The following HECW1 variants were observed in gnomAD, a reference collection of about 807,000 sequenced individuals.
HECW1 encodes HECT, C2 and WW domain containing E3 ubiquitin protein ligase 1.
A neutral mutation model predicts 182.3 loss-of-function variants in HECW1; 61 were observed. That is an observed-to-expected ratio of 0.33 (90% confidence interval 0.27 to 0.41). The LOEUF (loss-of-function observed/expected upper bound fraction) is 0.41. Among genes scored for constraint, HECW1 ranks in the 10% least tolerant of loss-of-function variants. The pLI, the probability that HECW1 is intolerant of heterozygous loss-of-function variation, is 1.00. For missense variants in HECW1, 1,739 were observed against 2,108.9 expected (o/e 0.82, Z 3.44); for synonymous variants, 859 against 832.6 (o/e 1.03, Z -0.55).
chr7:43,116,222 G>T (rs1785037146), intron 2 of HECW1, among the ~76,000 whole-genome samples: 1 of 152,090 alleles, frequency 6.6e-6, no homozygotes. Flanking sequence ...GTAGGTTTTG[G>T]TTATTTATTT....
At chr7:43,509,286 AC>A in intron 24 of HECW1, 165 bp downstream of exon 24, 1 of 583,744 alleles carries the variant, frequency 1.7e-6, no homozygotes, top group South Asian at 2.9e-5. Context: ...GTTAGTCTTC[AC>A]CCAGAACACA....
intron 3 of HECW1, among the ~76,000 whole-genome samples, chr7:43,272,419 T>G (rs1802525174): frequency 6.6e-6 from 1 of 152,090 alleles, no homozygotes; most frequent in Non-Finnish European, 1.5e-5. Flanking sequence ...GAGAAAATAT[T>G]TGCAAATTAT....
At position 43,213,160 on chromosome 7, in the gene HECW1, C is replaced by T. The variant is rs549920616; in HGVS notation, c.-31-30715C>T. On this transcript the variant is annotated intron_variant, in intron 2 of 29. Coordinates refer to ENST00000395891, the MANE Select transcript of HECW1 (RefSeq NM_015052.5). The stretch of plus-strand genomic sequence containing the variant: ...CATGATAAGTCTTTTTTATATACTT[C>T]CCAGAAAGTGCATGACTCTGGGACT... 4.6e-5 allele frequency among the ~76,000 whole-genome samples: 7 copies of T among 151,954 alleles called. No individual in the cohort carries two copies. In the South Asian group the frequency reaches 8.3e-4, roughly 18 times the overall value.
intron 2 of HECW1, among the ~76,000 whole-genome samples, chr7:43,212,722 G>T (rs942781505): frequency 2.0e-5 from 3 of 152,072 alleles, no homozygotes; most frequent in African/African-American, 7.2e-5. Flanking sequence ...AATCTTACTG[G>T]AATGTCTAAG....
intron 2 of HECW1, among the ~76,000 whole-genome samples, chr7:43,129,568 T>G (rs1181227003): frequency 1.3e-5 from 2 of 152,164 alleles, no homozygotes; most frequent in Non-Finnish European, 2.9e-5. Context: ...ATTGCAGTGG[T>G]CTGGAACTGA....
intron 6 of HECW1, among the ~76,000 whole-genome samples, chr7:43,389,622 T>TTGC (rs2074939789): frequency 7.1e-6 from 1 of 141,064 alleles, no homozygotes; most frequent in Non-Finnish European, 1.5e-5. Context: ...GTTGTTGCTG[T>TTGC]TGTTGTTGTT....
intron 6 of HECW1, among the ~76,000 whole-genome samples, chr7:43,378,448 A>G (rs2152825245): frequency 6.6e-6 from 1 of 152,352 alleles, no homozygotes; most frequent in Admixed American, 6.5e-5. Context: ...TCTCTCAGAT[A>G]ACCTGCCTTA....
chr7:43,195,375 CA>C (rs1188193129), intron 2 of HECW1, among the ~76,000 whole-genome samples: 1 of 152,210 alleles, frequency 6.6e-6, no homozygotes, highest in African/African-American at 2.4e-5. Flanking sequence ...CATCCACACA[CA>C]AAGGCATCTC....
chr7:43,487,012 T>C (rs1473967674), intron 17 of HECW1, among the ~76,000 whole-genome samples: 1 of 152,224 alleles, frequency 6.6e-6, no homozygotes, highest in African/African-American at 2.4e-5. Context: ...ATTGAACAAC[T>C]CAAATATCTC....
intron 4 of HECW1, 23 bp from the exon 5 acceptor site, chr7:43,320,612 G>C (rs751542826): frequency 6.6e-5 from 100 of 1,507,228 alleles, no homozygotes; most frequent in Non-Finnish European, 9.0e-5. Context: ...TCTCTGCTCT[G>C]CTTTCTTCCT....
At chr7:43,119,038 G>C (rs1785323129) in intron 2 of HECW1, 1 of 152,256 alleles carries the variant, frequency 6.6e-6, no homozygotes, top group Non-Finnish European at 1.5e-5. Flanking sequence ...ATTTGATTTT[G>C]ACAAACAGCA....
At chr7:43,266,447 G>C (rs993696095) in intron 3 of HECW1, among the ~76,000 whole-genome samples, 1 of 152,140 alleles carries the variant, frequency 6.6e-6, no homozygotes, top group Admixed American at 6.5e-5. Flanking sequence ...GCAATTCTCT[G>C]CCTCAGCCTC....
At chr7:43,545,849 G>A (rs1031171930) in intron 26 of HECW1, among the ~76,000 whole-genome samples, 13 of 151,928 alleles carry the variant, frequency 8.6e-5, no homozygotes, top group Middle Eastern at 3.4e-3. Context: ...GGGCAGGAGA[G>A]GCAGGCACAC....
At chr7:43,328,029 G>T (rs1811018822) in intron 5 of HECW1, among the ~76,000 whole-genome samples, 2 of 150,390 alleles carry the variant, frequency 1.3e-5, no homozygotes, top group African/African-American at 4.9e-5. Context: ...TGATAAAACG[G>T]ATTTGGGGCC....
chr7:43,249,765 A>G (rs964817632), intron 3 of HECW1, among the ~76,000 whole-genome samples: 2 of 152,230 alleles, frequency 1.3e-5, no homozygotes, highest in Non-Finnish European at 2.9e-5. Flanking sequence ...CCAGCTTTAT[A>G]TGCAGCCACA....
chr7:43,140,365 T>A (rs1376137165), intron 2 of HECW1, among the ~76,000 whole-genome samples: 1 of 152,232 alleles, frequency 6.6e-6, no homozygotes, highest in Non-Finnish European at 1.5e-5. Flanking sequence ...GATGAGCGAC[T>A]GTGCCCCCTC....
At chr7:43,186,318 C>T (rs928865593) in intron 2 of HECW1, among the ~76,000 whole-genome samples, 2 of 152,176 alleles carry the variant, frequency 1.3e-5, no homozygotes, top group Admixed American at 1.3e-4. Flanking sequence ...ACCTACACCA[C>T]ATAACAATGT....
chr7:43,118,319 G>A (rs1785244285), intron 2 of HECW1: 2 of 152,670 alleles, frequency 1.3e-5, no homozygotes, highest in South Asian at 4.1e-4. Flanking sequence ...TAACGTGCAT[G>A]GATGTTCCCT....
chr7:43,319,559 C>A (rs1204726814), intron 4 of HECW1, among the ~76,000 whole-genome samples: 3 of 124,092 alleles, frequency 2.4e-5, no homozygotes, highest in Non-Finnish European at 5.0e-5. Flanking sequence ...TTCCTTGTCA[C>A]TCTCTATCAC....
Sources: gnomAD v4.1 joint callset for allele counts (sites outside exome capture counted in the v4.1 genomes callset) on GRCh38, gnomAD v4.1.1 for gene constraint, MANE v1.5 for transcripts, NCBI Gene and HGNC (gene_info 2026-07-23, HGNC 2026-07-21) for gene names.